The following LRRTM3 variants were observed in gnomAD, a reference collection of about 807,000 sequenced individuals.
The protein encoded by LRRTM3 is leucine-rich repeat transmembrane neuronal protein 3.
LRRTM3 carries 24 observed loss-of-function variants against 44.7 expected under a neutral mutation model. The observed-to-expected ratio is 0.54, with a 90% CI of 0.39 to 0.76. The LOEUF (loss-of-function observed/expected upper bound fraction) is 0.76, where lower values mean the gene tolerates loss of function less well. Among genes scored for constraint, LRRTM3 ranks in the 30% least tolerant of loss-of-function variants. LRRTM3 has a pLI of 0.00. For synonymous variants in LRRTM3, 277 were observed against 278.7 expected (o/e 0.99, Z 0.06); for missense variants, 587 against 702.2 (o/e 0.84, Z 1.85).
intron 2 of LRRTM3, among the ~76,000 whole-genome samples, chr10:67,013,950 C>G (rs367838129): frequency 1.3e-5 from 2 of 151,992 alleles, no homozygotes; most frequent in African/African-American, 2.4e-5. Context: ...GTCTAAAAAC[C>G]CACTAAATCA....
At chr10:66,947,925 T>C (rs1311895821) in intron 2 of LRRTM3, among the ~76,000 whole-genome samples, 1 of 152,182 alleles carries the variant, frequency 6.6e-6, no homozygotes, top group African/African-American at 2.4e-5. Context: ...TAAACCTAGA[T>C]GACAGTCTAC....
intron 2 of LRRTM3, among the ~76,000 whole-genome samples, chr10:67,031,026 A>C (rs1206992306): frequency 6.6e-6 from 1 of 152,022 alleles, no homozygotes; most frequent in Non-Finnish European, 1.5e-5. Flanking sequence ...TAAATAAATA[A>C]ATAACTTAGC....
At chr10:67,086,571 C>T (rs1336092648) in intron 2 of LRRTM3, among the ~76,000 whole-genome samples, 1 of 151,898 alleles carries the variant, frequency 6.6e-6, no homozygotes, top group Non-Finnish European at 1.5e-5. Context: ...ATGTCAAAAA[C>T]GTAGTCTGTT....
At chr10:67,010,664 C>T (rs552068523) in intron 2 of LRRTM3, among the ~76,000 whole-genome samples, 1 of 152,248 alleles carries the variant, frequency 6.6e-6, no homozygotes, top group Admixed American at 6.5e-5. Context: ...TCAGTAGCTG[C>T]TAGGAATTTT....
chr10:66,967,722 G>A (rs762233092), intron 2 of LRRTM3, among the ~76,000 whole-genome samples: 2 of 151,908 alleles, frequency 1.3e-5, no homozygotes, highest in Non-Finnish European at 2.9e-5. Context: ...AAAATTCTGA[G>A]GTGTGAAACA....
At chr10:67,009,655 G>T (rs1564828566) in intron 2 of LRRTM3, among the ~76,000 whole-genome samples, 2 of 151,692 alleles carry the variant, frequency 1.3e-5, no homozygotes, top group Non-Finnish European at 2.9e-5. Flanking sequence ...ACAGCTCTTT[G>T]TTGTGTTATT....
chr10:67,009,225 C>T (rs1046029019), intron 2 of LRRTM3, among the ~76,000 whole-genome samples: 4 of 151,992 alleles, frequency 2.6e-5, no homozygotes, highest in African/African-American at 9.7e-5. Context: ...TTCAAGAATA[C>T]AAATTATATT....
In LRRTM3 at chr10:67,011,617, G is replaced by C. The variant is rs182996305; in HGVS notation, c.1536+83165G>C. Among the ~76,000 whole-genome samples the C allele has an allele frequency of 1.7e-3, 254 of 152,178 alleles. 2 individuals are homozygous for C. The highest frequency in any genetic ancestry group is 3.7e-3 in the Admixed American group (57 of 15,294). Reference sequence around the variant, plus strand: ...TATTTTTTCCCTAAAATTTTTAGTAGAATTTCACCCTAGGCTATGTGTAAC... The same window carrying C: ...TATTTTTTCCCTAAAATTTTTAGTACAATTTCACCCTAGGCTATGTGTAAC... On this transcript the variant is annotated intron_variant, in intron 2 of 2. Coordinates refer to ENST00000361320, the MANE Select transcript of LRRTM3 (RefSeq NM_178011.5).
chr10:67,063,988 A>G (rs963089777), intron 2 of LRRTM3, among the ~76,000 whole-genome samples: 3 of 152,156 alleles, frequency 2.0e-5, no homozygotes, highest in African/African-American at 4.8e-5. Flanking sequence ...AGTCAGTTGG[A>G]TGGAATTTTA....
At chr10:67,021,416 C>A (rs149534470) in intron 2 of LRRTM3, among the ~76,000 whole-genome samples, 34 of 152,060 alleles carry the variant, frequency 2.2e-4, no homozygotes, top group African/African-American at 8.0e-4. Context: ...TCATATGAAA[C>A]ATATATATTT....
At chr10:66,994,795 A>G (rs929065558) in intron 2 of LRRTM3, among the ~76,000 whole-genome samples, 2 of 152,240 alleles carry the variant, frequency 1.3e-5, no homozygotes, top group Admixed American at 1.3e-4. Flanking sequence ...ATTATTGTGA[A>G]GAAGTTTTAC....
chr10:66,957,904 G>A (rs992572694), intron 2 of LRRTM3, among the ~76,000 whole-genome samples: 16 of 151,940 alleles, frequency 1.1e-4, no homozygotes, highest in African/African-American at 3.6e-4. Flanking sequence ...CTGGACTTAC[G>A]CATATGAACC....
intron 2 of LRRTM3, among the ~76,000 whole-genome samples, chr10:67,082,236 T>C (rs1417305971): frequency 3.3e-5 from 5 of 152,222 alleles, no homozygotes; most frequent in East Asian, 1.9e-4. Flanking sequence ...ATTTATTAAT[T>C]ATCAAATATA....
At chr10:67,062,154 T>C (rs1855793178) in intron 2 of LRRTM3, among the ~76,000 whole-genome samples, 1 of 151,208 alleles carries the variant, frequency 6.6e-6, no homozygotes, top group Non-Finnish European at 1.5e-5. Flanking sequence ...GGCAGGTGGA[T>C]GATATTTGTA....
chr10:67,002,894 TATC>T (rs1487746259), intron 2 of LRRTM3, among the ~76,000 whole-genome samples: 1 of 152,192 alleles, frequency 6.6e-6, no homozygotes, highest in African/African-American at 2.4e-5. Context: ...AAAAACTTAG[TATC>T]ATTATTATTC....
intron 2 of LRRTM3, among the ~76,000 whole-genome samples, chr10:66,946,358 G>A (rs183050190): frequency 6.5e-4 from 99 of 152,300 alleles, no homozygotes; most frequent in Non-Finnish European, 4.4e-5. Context: ...ATTTTAATAT[G>A]TGAGAGACAT....
At chr10:67,011,112 G>A (rs377177376) in intron 2 of LRRTM3, among the ~76,000 whole-genome samples, 16 of 152,036 alleles carry the variant, frequency 1.1e-4, no homozygotes, top group East Asian at 7.7e-4. Flanking sequence ...GACGGATCAC[G>A]AAGTCAAGGG....
intron 2 of LRRTM3, among the ~76,000 whole-genome samples, chr10:66,956,424 A>T (rs969359987): frequency 2.6e-5 from 4 of 151,998 alleles, no homozygotes; most frequent in African/African-American, 4.8e-5. Context: ...AAACCAACTG[A>T]TATCCAGAGT....
intron 2 of LRRTM3, among the ~76,000 whole-genome samples, chr10:66,997,333 C>A (rs1199409074): frequency 6.6e-6 from 1 of 152,230 alleles, no homozygotes; most frequent in Admixed American, 6.5e-5. Context: ...ATACTTATTA[C>A]CAAATGACCA....
Sources: allele counts gnomAD v4.1 joint callset (sites outside exome capture counted in the v4.1 genomes callset), GRCh38; gene constraint gnomAD v4.1.1; transcripts MANE v1.5; gene names NCBI Gene and HGNC (gene_info 2026-07-23, HGNC 2026-07-21).